Variants in HELZ2 observed in about 807,000 individuals in gnomAD.
HELZ2 encodes the protein 3'-5' exoribonuclease HELZ2.
In HELZ2, 143 loss-of-function variants were observed where a neutral mutation model predicts 208.8. The ratio of observed to expected loss-of-function variants is 0.68; its 90% CI spans 0.60 to 0.79. The LOEUF (loss-of-function observed/expected upper bound fraction) is 0.79. HELZ2 is among the 30% of genes least tolerant of loss of function. The pLI is 0.00. For synonymous variants in HELZ2, 1,705 were observed against 1,693.7 expected (o/e 1.01, Z -0.16); for missense variants, 3,690 against 3,794.5 (o/e 0.97, Z 0.72).
upstream of HELZ2, chr20:63,572,740 G>A: frequency 3.8e-6 from 1 of 265,952 alleles, no homozygotes; most frequent in Non-Finnish European, 7.2e-6. Context: ...TCAGCCATAG[G>A]CGCTGGAGGT....
chr20:63,560,885 C>T, exon 15 of HELZ2: 1 of 1,613,306 alleles, frequency 6.2e-7, no homozygotes. Context: ...GCCGCTCATT[C>T]TTGACCACAG....
At chr20:63,564,647 T>C (rs2082928768) in exon 8 of HELZ2, 2 of 1,566,960 alleles carry the variant, frequency 1.3e-6, no homozygotes, top group African/African-American at 1.4e-5. Context: ...CGCAGCGCCC[T>C]GCCTTCGCGC....
exon 6 of HELZ2, chr20:63,567,129 G>A (rs1465973287): frequency 6.2e-7 from 1 of 1,611,352 alleles, no homozygotes; most frequent in Admixed American, 1.7e-5. Flanking sequence ...CCGTGCAGCG[G>A]TAGTTCTCGT....
exon 8 of HELZ2, chr20:63,563,481 G>A: frequency 6.6e-7 from 1 of 1,514,222 alleles, no homozygotes; most frequent in Non-Finnish European, 8.8e-7. Context: ...GCGTGGGGGT[G>A]CTCGGCCAGC....
chr20:63,559,502 T>A, intron 18 of HELZ2, 132 bp from the exon 20 acceptor site: 1 of 319,202 alleles, frequency 3.1e-6, no homozygotes. Context: ...GTGGGAGGAG[T>A]CAGGGTCAGA....
chr20:63,568,143 G>C (rs932998025), intron 5 of HELZ2: 7 of 589,390 alleles, frequency 1.2e-5, no homozygotes, highest in African/African-American at 1.1e-4. Context: ...CCTTGGGCCA[G>C]GGCCCCGGCA....
chr20:63,562,565 C>A, exon 8 of HELZ2: 1 of 1,597,092 alleles, frequency 6.3e-7, no homozygotes, highest in African/African-American at 1.3e-5. Flanking sequence ...GAACAGGGTG[C>A]CCGGCCTCAG....
chr20:63,559,253 G>A (rs1288463152), exon 19 of HELZ2: 2 of 1,563,006 alleles, frequency 1.3e-6, no homozygotes, highest in South Asian at 1.2e-5. Context: ...TCTTCAGGAA[G>A]GCATAGTTGG....
chr20:63,564,784 G>T, exon 8 of HELZ2: 1 of 1,611,954 alleles, frequency 6.2e-7, no homozygotes, highest in South Asian at 1.1e-5. Flanking sequence ...CGCCCTGGGG[G>T]TCCACAGTGA....
chr20:63,560,558 C>T, exon 16 of HELZ2: 2 of 1,612,880 alleles, frequency 1.2e-6, no homozygotes, highest in Non-Finnish European at 1.7e-6. Context: ...CCGCTCGTGG[C>T]CCTGCACGTG....
In HELZ2 at chr20:63,566,966, A is replaced by G. The variant is rs2082967135; in HGVS notation, c.2392T>C (p.Trp798Arg). The G allele has an allele frequency of 4.3e-6, 7 of 1,611,466 alleles. No homozygotes were observed. In the South Asian group the frequency reaches 7.7e-5, roughly 18 times the overall value. ...TGCGCAATCTCAGCCAGATTCAGCC[A>G]GGACGCCATGGACATGTCCCGGTCT... The change falls in exon 6 of 19, where the codon TGG (tryptophan) becomes CGG (arginine). Residue 798 changes from tryptophan to arginine, a missense_variant. Physicochemically the swap from Trp to Arg is moderately radical, Grantham distance 101. Coordinates refer to ENST00000467148, the Ensembl canonical transcript of HELZ2.
At chr20:63,568,167 C>A in intron 5 of HELZ2, 191 bp downstream of exon 6, 1 of 601,184 alleles carries the variant, frequency 1.7e-6, no homozygotes, top group South Asian at 2.1e-5. Flanking sequence ...GCACCCAGCT[C>A]CTCACCTGAC....
rs752884793 is a variant in HELZ2 at position 63,566,134 on chromosome 20, G to A, written c.2688C>T (p.Arg896=). ...CGCGGGTCAGGACGGTGTTGAGCAC[G>A]CGGGCGTCGGTGAAGAACTCAGGGG... The change falls in exon 8 of 19, where the codon CGC becomes CGT. Residue 896 remains arginine (R), a synonymous_variant. Transcript: ENST00000467148. 5.7e-6 allele frequency: 9 copies of A among 1,570,760 alleles called. No homozygotes were observed. The East Asian group carries it at 6.8e-5, about 12-fold the overall frequency.
chr20:63,563,696 G>A (rs1161034484), exon 8 of HELZ2: 3 of 1,583,850 alleles, frequency 1.9e-6, no homozygotes, highest in Admixed American at 1.7e-5. Context: ...GAGGCTGAAG[G>A]CCTGGCAGAG....
Position 63,569,661 on chromosome 20 carries a change from G to A in HELZ2, c.575C>T (p.Pro192Leu), listed in dbSNP as rs570389038. The stretch of plus-strand genomic sequence containing the variant: ...CTTCAGCAGGGCCACGTGTAGCAGG[G>A]GCTCCTGGAGAGGAGGCCAGACGGT... The change falls in exon 4 of 19, where the codon CCC becomes CTC. Residue 192 changes from proline to leucine, a missense_variant. Pro to Leu is a moderately conservative substitution (Grantham distance 98). Transcript: ENST00000467148. 7.2e-6 allele frequency: 11 copies of A among 1,523,518 alleles called. No individual in the cohort carries two copies. The highest frequency in any genetic ancestry group is 2.5e-5 in the East Asian group (1 of 40,520). The allele number at this position is 1,523,518 out of a possible 1,614,324, so 94.4% of individuals were successfully genotyped here. A position where few individuals can be genotyped will look rare whatever the true frequency, so the allele number is the denominator to read the frequency against.
exon 1 of HELZ2, chr20:63,572,131 G>A (rs1246145740): frequency 6.2e-6 from 10 of 1,611,144 alleles, no homozygotes; most frequent in Non-Finnish European, 8.5e-6. Context: ...CGAACTTGGA[G>A]AGTCCCGGGG....
Position 63,561,583 on chromosome 20 carries a change from C to CAA in HELZ2, c.6836+16_6836+17dup. ...GCTCGGCCCCACTCCGCCCAAGCCC[C>CAA]AAAGACAGCAGGCACACCTGAGGCT... On this transcript the variant is annotated intron_variant, in intron 12 of 18. Transcript: ENST00000467148. 1.9e-6 allele frequency: 3 copies of CAA among 1,592,932 alleles called. No homozygotes were observed. Among genetic ancestry groups the CAA allele is most frequent in the Middle Eastern group, 1.7e-4 (1 of 5,952 alleles).
chr20:63,562,705 C>T (rs1393835864), exon 8 of HELZ2: 6 of 1,599,712 alleles, frequency 3.8e-6, no homozygotes, highest in Middle Eastern at 1.7e-4. Flanking sequence ...CCCAGGTATA[C>T]GTGCCGGGGT....
In HELZ2 at chr20:63,564,147, G is replaced by C. The variant is rs566424406; in HGVS notation, c.4675C>G (p.Arg1559Gly). The C allele has an allele frequency of 3.7e-6, 6 of 1,611,768 alleles. No individual in the cohort carries two copies. Among genetic ancestry groups the C allele is most frequent in the Non-Finnish European group, 1.7e-6 (2 of 1,179,596 alleles). Residue 1559 changes from arginine (R) to glycine (G), a missense_variant, in exon 8 of 19, where the codon CGC becomes GGC. By Grantham distance (125) the Arg-to-Gly change is moderately radical. This residue lies in a region of HELZ2 where 2,564 missense variants were observed against 2,580.5 expected (regional missense o/e 0.99). Transcript: ENST00000467148. ...CACAGGGCCTTGAGCTGCTGGCTGC[G>C]GGGTGCTGGCTGCCACCGCAGAGGC...
Sources: allele counts gnomAD v4.1 joint callset, GRCh38; gene constraint gnomAD v4.1.1; regional missense constraint gnomAD v4.1.1; transcripts MANE v1.5; gene names NCBI Gene and HGNC (gene_info 2026-07-23, HGNC 2026-07-21).